The following ERCC6L variants were observed in gnomAD, a reference collection of about 807,000 sequenced individuals.
The protein encoded by ERCC6L is DNA excision repair protein ERCC-6-like.
In ERCC6L, 7 loss-of-function variants were observed where a neutral mutation model predicts 20.1. The observed-to-expected ratio is 0.35, with a 90% CI of 0.20 to 0.65. ERCC6L has a LOEUF of 0.65. ERCC6L is among the 30% of genes least tolerant of loss of function. The probability of loss-of-function intolerance (pLI) is 0.69; values close to 1 mark genes in which losing one functional copy is unlikely to be tolerated. For missense variants in ERCC6L, 592 were observed against 892.4 expected, an observed-to-expected ratio of 0.66 and a Z score of 4.29; for synonymous variants, 278 against 331.3, an observed-to-expected ratio of 0.84 and a Z score of 1.75.
At chrX:72,236,303 T>C (rs1298123089) in intron 1 of ERCC6L, among the ~76,000 whole-genome samples, 1 of 110,678 alleles carries the variant, frequency 9.0e-6, no homozygotes, top group Non-Finnish European at 1.9e-5. Context: ...AAATCTTTTT[T>C]TTCTTTTTTT....
chrX:72,224,457 A>G (rs940366431), intron 1 of ERCC6L, among the ~76,000 whole-genome samples: 4 of 111,545 alleles, frequency 3.6e-5, no homozygotes, highest in Non-Finnish European at 5.6e-5. Flanking sequence ...CACATCAAAT[A>G]GACTTAAAAC....
Position 72,238,983 on chromosome X carries a change from C to G in ERCC6L, c.-72G>C, listed in dbSNP as rs1179892447. The G allele has an allele frequency of 2.0e-6, 2 of 1,025,354 alleles. No homozygotes were observed. The highest frequency in any genetic ancestry group is 1.9e-5 in the African/African-American group (1 of 53,415). The allele number at this position is 1,025,354 out of a possible 1,213,427, so 84.5% of individuals were successfully genotyped here. ...GGAGCTTGGAGCTTGGAGCTTGGAG[C>G]TTAGAGTTTGGAGCTTGAATTTCGC... On this transcript the variant is annotated 5_prime_UTR_variant, in exon 1 of 2. Transcript: ENST00000334463.
intron 1 of ERCC6L, among the ~76,000 whole-genome samples, chrX:72,217,599 G>T (rs1332458556): frequency 2.7e-5 from 3 of 111,222 alleles, no homozygotes; most frequent in Non-Finnish European, 5.6e-5. Context: ...TGCATATATT[G>T]TGAAATATAC....
In ERCC6L at chrX:72,206,805, T is replaced by A. The variant is rs1656069279; in HGVS notation, c.1962A>T (p.Ile654=). 1 of 1,211,094 alleles carries A rather than the reference T, an allele frequency of 8.3e-7. No individual in the cohort carries two copies. ...SLHAAQRKSD[I]KLDEHIAYLQ... ...GGTAGGCAATATGTTCATCTAGTTT[T>A]ATATCAGATTTCCTCTGAGCAGCAT... The change falls in exon 2 of 2, where the codon ATA becomes ATT. Residue 654 remains isoleucine (I), a synonymous_variant. Transcript: ENST00000334463.
chrX:72,236,729 A>G (rs2043019334), intron 1 of ERCC6L, among the ~76,000 whole-genome samples: 1 of 112,294 alleles, frequency 8.9e-6, no homozygotes, highest in Non-Finnish European at 1.9e-5. Context: ...GACACACAGC[A>G]GGCCCTTGAA....
At chrX:72,218,611 A>T (rs1003775215) in intron 1 of ERCC6L, among the ~76,000 whole-genome samples, 3 of 108,419 alleles carry the variant, frequency 2.8e-5, no homozygotes, top group African/African-American at 1.0e-4. Flanking sequence ...GTCCTGCCTC[A>T]ACCTCCCGAG....
chrX:72,227,507 C>G lies in ERCC6L; in HGVS notation c.68+11337G>C, dbSNP rs866680489. On this transcript the variant is annotated intron_variant, in intron 1 of 1. Coordinates refer to ENST00000334463, the MANE Select transcript of ERCC6L (RefSeq NM_017669.4). The stretch of plus-strand genomic sequence containing the variant: ...CCTTAATGCTCAGCCCCTTTGAACT[C>G]ATGTATGGGAAACCACTGGCCCCTT... 5.4e-5 allele frequency among the ~76,000 whole-genome samples: 6 copies of G among 112,036 alleles called. No homozygotes were observed. In the East Asian group the frequency reaches 1.7e-3, roughly 32 times the overall value.
intron 1 of ERCC6L, among the ~76,000 whole-genome samples, chrX:72,212,844 A>G (rs2042863799): frequency 9.0e-6 from 1 of 111,436 alleles, no homozygotes. Flanking sequence ...TGGGAGGCTA[A>G]GGTGGGAGGG....
At chrX:72,224,093 C>A (rs1399434690) in intron 1 of ERCC6L, among the ~76,000 whole-genome samples, 1 of 111,363 alleles carries the variant, frequency 9.0e-6, no homozygotes, top group Non-Finnish European at 1.9e-5. Context: ...TCCAGTGAGT[C>A]CATGGAACCC....
chrX:72,205,921 T>C lies in ERCC6L; in HGVS notation c.2846A>G (p.Tyr949Cys), dbSNP rs1357849071. 1 of 1,211,311 alleles carries C rather than the reference T, an allele frequency of 8.3e-7. No individual in the cohort carries two copies. The highest frequency in any genetic ancestry group is 1.1e-6 in the Non-Finnish European group (1 of 895,050). Reference protein sequence around the residue: ...EEEPSASSPQYACDFNLFLED... With the variant: ...EEEPSASSPQCACDFNLFLED... ...CAAGAAAAGATTGAAATCACATGCATACTGTGGTGAAGATGCTGAAGGTTC... is the reference window on the plus strand; with the variant it reads ...CAAGAAAAGATTGAAATCACATGCACACTGTGGTGAAGATGCTGAAGGTTC... The change falls in exon 2 of 2, where the codon TAT becomes TGT. Residue 949 changes from tyrosine to cysteine, a missense_variant. This residue lies in a region of ERCC6L where 352 missense variants were observed against 402.6 expected (regional missense o/e 0.87). Coordinates refer to ENST00000334463, the MANE Select transcript of ERCC6L (RefSeq NM_017669.4).
intron 1 of ERCC6L, among the ~76,000 whole-genome samples, chrX:72,237,414 C>T (rs1388215931): frequency 9.1e-6 from 1 of 110,226 alleles, no homozygotes; most frequent in African/African-American, 3.3e-5. Flanking sequence ...CCGGCTAACA[C>T]GGTGAAACCC....
intron 1 of ERCC6L, among the ~76,000 whole-genome samples, chrX:72,221,892 G>C (rs189287595): frequency 2.1e-4 from 23 of 109,265 alleles, no homozygotes; most frequent in African/African-American, 7.4e-4. Flanking sequence ...ATCCCTTCCC[G>C]CGAAAACCCT....
At chrX:72,210,652 C>T (rs2042849052) in intron 1 of ERCC6L, among the ~76,000 whole-genome samples, 2 of 111,422 alleles carry the variant, frequency 1.8e-5, no homozygotes, top group South Asian at 7.6e-4. Flanking sequence ...AGAGTCCCCA[C>T]TAATCACACA....
intron 1 of ERCC6L, among the ~76,000 whole-genome samples, chrX:72,236,920 ATAC>A (rs1253412469): frequency 8.9e-6 from 1 of 112,442 alleles, no homozygotes; most frequent in African/African-American, 3.2e-5. Flanking sequence ...GTAGAAGAAA[ATAC>A]TACAAGTCTT....
intron 1 of ERCC6L, among the ~76,000 whole-genome samples, chrX:72,222,667 A>G (rs1049819220): frequency 2.9e-5 from 3 of 102,522 alleles, no homozygotes; most frequent in Admixed American, 1.1e-4. Context: ...GCGCGATCTC[A>G]GCTCACTGCA....
chrX:72,211,190 G>A (rs1296869210), intron 1 of ERCC6L, among the ~76,000 whole-genome samples: 1 of 111,115 alleles, frequency 9.0e-6, no homozygotes, highest in Non-Finnish European at 1.9e-5. Context: ...TAATGATCTG[G>A]ATAACTTAGC....
At chrX:72,226,278 A>C (rs367779070) in intron 1 of ERCC6L, among the ~76,000 whole-genome samples, 1 of 111,726 alleles carries the variant, frequency 9.0e-6, no homozygotes, top group African/African-American at 3.3e-5. Context: ...TATAGATGGC[A>C]GTGCATCAGA....
Position 72,206,399 on chromosome X carries a change from A to G in ERCC6L, c.2368T>C (p.Ser790Pro). Reference protein sequence around the residue: ...LPKEGEKQDLSSIKVNVTTLQ... With the variant: ...LPKEGEKQDLPSIKVNVTTLQ... The stretch of plus-strand genomic sequence containing the variant: ...GTGGTAACATTCACCTTTATACTGG[A>G]GAGATCTTGTTTCTCACCCTCTTTG... Residue 790 changes from serine to proline, a missense_variant, in exon 2 of 2, where the codon TCC becomes CCC. Physicochemically the swap from Ser to Pro is moderately conservative, Grantham distance 74. Transcript: ENST00000334463. 8.3e-7 allele frequency: 1 copy of G among 1,209,617 alleles called. No homozygotes were observed. Among genetic ancestry groups the G allele is most frequent in the Middle Eastern group, 2.3e-4 (1 of 4,340 alleles).
Position 72,207,673 on chromosome X carries a change from T to C in ERCC6L, c.1094A>G (p.Asn365Ser), listed in dbSNP as rs1469834817. 8.3e-7 allele frequency: 1 copy of C among 1,208,748 alleles called. No homozygotes were observed. The highest frequency in any genetic ancestry group is 1.1e-6 in the Non-Finnish European group (1 of 894,573). ...AAGTCGTATCCAAATAATTAAATCA[T>C]TTTTCCTGGAAAGGGAAGGCATTTC... is the stretch of plus-strand genomic sequence containing the variant. ...ICEMPSLSRK[N>S]DLIIWIRLVP... Residue 365 changes from asparagine (N) to serine (S), a missense_variant, in exon 2 of 2, where the codon AAT (asparagine) becomes AGT (serine). Asn to Ser is a conservative substitution (Grantham distance 46, BLOSUM62 1). This residue lies in a region of ERCC6L where 196 missense variants were observed against 440.1 expected (regional missense o/e 0.45). Transcript: ENST00000334463.
Sources: gnomAD v4.1 joint callset for allele counts (sites outside exome capture counted in the v4.1 genomes callset) on GRCh38, gnomAD v4.1.1 for gene constraint, gnomAD v4.1.1 regional missense constraint, MANE v1.5 for transcripts, NCBI Gene and HGNC (gene_info 2026-07-23, HGNC 2026-07-21) for gene names.